ANKRD24: variants seen among roughly 807,000 people sequenced by gnomAD.
ANKRD24 encodes the protein ankyrin repeat domain 24, also known as ankyrin repeat domain-containing protein 24.
A neutral mutation model predicts 127.8 loss-of-function variants in ANKRD24; 109 were observed. That is an observed-to-expected ratio of 0.85 (90% CI 0.73 to 1.00). The LOEUF (loss-of-function observed/expected upper bound fraction) is 1.00. ANKRD24 is among the 50% of genes least tolerant of loss of function. The pLI, the probability that ANKRD24 is intolerant of heterozygous loss-of-function variation, is 0.00. For missense variants in ANKRD24, 1,648 were observed against 1,570.2 expected (o/e 1.05, Z -0.84); for synonymous variants, 743 against 671.1 (o/e 1.11, Z -1.66).
Position 4,200,171 on chromosome 19 carries a change from G to C in ANKRD24, c.343G>C (p.Gly115Arg). 6.3e-7 allele frequency: 1 copy of C among 1,597,898 alleles called. No individual in the cohort carries two copies. The highest frequency in any genetic ancestry group is 8.5e-7 in the Non-Finnish European group (1 of 1,173,192). Residue 115 changes from glycine to arginine, a missense_variant and splice_region_variant, in exon 5 of 22, where the codon GGT becomes CGT. Gly to Arg is a moderately radical substitution (Grantham distance 125). Transcript: ENST00000318934. Reference protein sequence around the residue: ...GSNVMSADGAGYNALHLAAKY... With the variant: ...GSNVMSADGARYNALHLAAKY... ...CAATGTCATGAGCGCGGACGGGGCA[G>C]GTACTGCCAGCTGGGCCCCGGGGAG...
intron 7 of ANKRD24, among the ~76,000 whole-genome samples, chr19:4,204,968 T>C (rs964300192): frequency 5.9e-5 from 9 of 152,142 alleles, no homozygotes; most frequent in South Asian, 2.1e-4. Flanking sequence ...CCGGGTGCAG[T>C]GGCTCACGCC....
intron 2 of ANKRD24, among the ~76,000 whole-genome samples, chr19:4,192,866 C>T (rs748198551): frequency 2.0e-5 from 3 of 151,552 alleles, no homozygotes; most frequent in Admixed American, 6.6e-5. Context: ...CCCAGGAGGT[C>T]GAGGCTACAG....
chr19:4,191,947 A>AT (rs1968410596), intron 2 of ANKRD24, among the ~76,000 whole-genome samples: 2 of 54,502 alleles, frequency 3.7e-5, no homozygotes, highest in Non-Finnish European at 9.1e-5. Context: ...ACGTCTAGCT[A>AT]ATTTTTTTTT....
In ANKRD24 at chr19:4,200,160, C is replaced by T. The variant is rs374653356; in HGVS notation, c.332C>T (p.Ala111Val). Residue 111 changes from alanine (A) to valine (V), a missense_variant, in exon 5 of 22, where the codon GCG becomes GTG. By Grantham distance (64) the Ala-to-Val change is moderately conservative. Coordinates refer to ENST00000318934, the MANE Select transcript of ANKRD24 (RefSeq NM_001393985.1). Reference protein sequence around the residue: ...MIAHGSNVMSADGAGYNALHL... With the variant: ...MIAHGSNVMSVDGAGYNALHL... ...GCTCATGGCAGCAATGTCATGAGCG[C>T]GGACGGGGCAGGTACTGCCAGCTGG... 2.7e-5 allele frequency: 44 copies of T among 1,602,702 alleles called. No individual in the cohort carries two copies. The Middle Eastern group carries it at 1.9e-3, about 70-fold the overall frequency.
At position 4,216,826 on chromosome 19, in the gene ANKRD24, G is replaced by A; in HGVS notation, c.1666G>A (p.Val556Ile). The A allele has an allele frequency of 1.2e-6, 2 of 1,608,738 alleles. No individual in the cohort carries two copies. The highest frequency in any genetic ancestry group is 1.7e-6 in the Non-Finnish European group (2 of 1,177,770). ...LNGSVAPETKVNGAETIDEEA... is the reference protein window; with the variant it reads ...LNGSVAPETKINGAETIDEEA... ...TGGCTCAGTGGCTCCAGAAACCAAA[G>A]TTAACGGAGCCGAGACCATAGATGA... The change falls in exon 18 of 22, where the codon GTT becomes ATT. Residue 556 changes from valine (V) to isoleucine (I), a missense_variant. By Grantham distance (29) the Val-to-Ile change is conservative. Transcript: ENST00000318934.
At chr19:4,188,291 G>A (rs371145168) in intron 2 of ANKRD24, among the ~76,000 whole-genome samples, 2 of 151,648 alleles carry the variant, frequency 1.3e-5, no homozygotes, top group Non-Finnish European at 2.9e-5. Flanking sequence ...TGGCCAGGCC[G>A]GTCTTGAACT....
intron 2 of ANKRD24, among the ~76,000 whole-genome samples, chr19:4,192,178 A>G (rs1160647327): frequency 6.6e-6 from 1 of 151,980 alleles, no homozygotes; most frequent in Non-Finnish European, 1.5e-5. Flanking sequence ...GTTTCCATCC[A>G]TAAAATGGGA....
At chr19:4,220,544 C>T (rs913498744) in intron 19 of ANKRD24, among the ~76,000 whole-genome samples, 1 of 152,022 alleles carries the variant, frequency 6.6e-6, no homozygotes, top group African/African-American at 2.4e-5. Context: ...CACACATTAC[C>T]TTTTTTTATT....
chr19:4,194,890 G>C (rs1406882561), intron 2 of ANKRD24, among the ~76,000 whole-genome samples: 1 of 152,186 alleles, frequency 6.6e-6, no homozygotes, highest in Non-Finnish European at 1.5e-5. Flanking sequence ...GGTGATGCCA[G>C]GGCTTGGATG....
intron 15 of ANKRD24, among the ~76,000 whole-genome samples, chr19:4,215,403 T>A (rs1969998990): frequency 3.3e-5 from 5 of 150,360 alleles, no homozygotes; most frequent in Admixed American, 3.3e-4. Context: ...GAGAATCACT[T>A]GAATCTGGGA....
Position 4,217,689 on chromosome 19 carries a change from G to A in ANKRD24, c.2529G>A (p.Arg843=). 1 of 1,288,062 alleles carries A rather than the reference G, an allele frequency of 7.8e-7. No individual in the cohort carries two copies. Among genetic ancestry groups the A allele is most frequent in the Non-Finnish European group, 9.8e-7 (1 of 1,022,102 alleles). The allele number at this position is 1,288,062 out of a possible 1,614,324, so 79.8% of individuals were successfully genotyped here. Residue 843 remains arginine, a synonymous_variant, in exon 18 of 22, where the codon CGG becomes CGA. Transcript: ENST00000318934. The part of the protein sequence containing the change: ...RAELAQREEA[R]LEQSRELEVL... ...AGCTGGCCCAGCGGGAGGAGGCGCG[G>A]CTGGAGCAGAGCCGGGAGCTGGAGG...
chr19:4,203,052 C>CA, intron 7 of ANKRD24, 126 bp downstream of exon 7: 1 of 628,152 alleles, frequency 1.6e-6, no homozygotes, highest in Non-Finnish European at 2.5e-6. Context: ...TTCTTTCTTT[C>CA]TTTTTTTTTT....
At chr19:4,223,394 TA>T (rs1317064342) in intron 20 of ANKRD24, among the ~76,000 whole-genome samples, 3,347 of 68,826 alleles carry the variant, frequency 0.049, 85 homozygotes, top group Non-Finnish European at 0.067. Context: ...TATATATATA[TA>T]TATATATTTT....
intron 11 of ANKRD24, among the ~76,000 whole-genome samples, chr19:4,209,417 GTTTT>G (rs368782082): frequency 2.1e-5 from 3 of 142,940 alleles, no homozygotes; most frequent in African/African-American, 7.6e-5. Flanking sequence ...CCCTCTCCTA[GTTTT>G]TTTTTTTTGT....
chr19:4,206,241 TC>T (rs1320360918), intron 7 of ANKRD24, among the ~76,000 whole-genome samples: 4 of 151,618 alleles, frequency 2.6e-5, no homozygotes, highest in Non-Finnish European at 5.9e-5. Flanking sequence ...CAGCCTATAA[TC>T]CCAGCACTTT....
At position 4,217,848 on chromosome 19, in the gene ANKRD24, G is replaced by A. The variant is rs1415553222; in HGVS notation, c.2688G>A (p.Arg896=). The change falls in exon 18 of 22, where the codon CGG becomes CGA. Residue 896 remains arginine, a synonymous_variant. Coordinates refer to ENST00000318934, the MANE Select transcript of ANKRD24 (RefSeq NM_001393985.1). ...TGCCTGCGGCCTGCGAGGAGGCGCGGCAGGGCCTGGCCGAGCTGCGGGAGG... is the reference window on the plus strand; with the variant it reads ...TGCCTGCGGCCTGCGAGGAGGCGCGACAGGGCCTGGCCGAGCTGCGGGAGG... ...AELPAACEEA[R]QGLAELREAS... is the part of the protein sequence containing the mutation. 3 of 1,443,076 alleles carry A rather than the reference G, an allele frequency of 2.1e-6. No individual in the cohort carries two copies. The highest frequency in any genetic ancestry group is 2.7e-6 in the Non-Finnish European group (3 of 1,104,024). The allele number at this position is 1,443,076 out of a possible 1,614,324, so 89.4% of individuals were successfully genotyped here.
chr19:4,214,154 C>A (rs529710850), intron 15 of ANKRD24, among the ~76,000 whole-genome samples: 2 of 151,544 alleles, frequency 1.3e-5, no homozygotes, highest in Non-Finnish European at 2.9e-5. Context: ...CAAATACATA[C>A]ACATGCAACA....
chr19:4,207,206 G>A, intron 7 of ANKRD24, 36 bp from the exon 8 acceptor site: 1 of 1,598,398 alleles, frequency 6.3e-7, no homozygotes, highest in Middle Eastern at 1.7e-4. Flanking sequence ...TTACAGGGTT[G>A]AGCTACCGCA....
chr19:4,202,159 A>AC lies in ANKRD24; in HGVS notation c.408+74dup. On this transcript the variant is annotated intron_variant, in intron 6 of 21. Coordinates refer to ENST00000318934, the MANE Select transcript of ANKRD24 (RefSeq NM_001393985.1). ...CTCCTGAGTTCCAGCAATTCCTTGA[A>AC]CCCCCAGATGCTCTATGAATCCTAG... 2.2e-6 allele frequency: 3 copies of AC among 1,393,952 alleles called. No individual in the cohort carries two copies. In the South Asian group the frequency reaches 3.5e-5, roughly 16 times the overall value. 86.3% of individuals were successfully genotyped at this position (1,393,952 alleles called of 1,614,324 possible).
Sources: gnomAD v4.1 joint callset for allele counts (sites outside exome capture counted in the v4.1 genomes callset) on GRCh38, gnomAD v4.1.1 for gene constraint, MANE v1.5 for transcripts, NCBI Gene and HGNC (gene_info 2026-07-23, HGNC 2026-07-21) for gene names.